PIGB: variants seen among roughly 807,000 people sequenced by gnomAD.
The protein encoded by PIGB is GPI alpha-1,2-mannosyltransferase 3.
Under a neutral mutation model 68.4 loss-of-function variants are expected in PIGB, and 58 were observed. The ratio of observed to expected loss-of-function variants is 0.85; its 90% CI spans 0.69 to 1.06. The LOEUF (loss-of-function observed/expected upper bound fraction) is 1.06, where lower values mean the gene tolerates loss of function less well. Among genes scored for constraint, PIGB ranks in the 50% least tolerant of loss-of-function variants. The pLI, the probability that PIGB is intolerant of heterozygous loss-of-function variation, is 0.00. For missense variants in PIGB, 634 were observed against 655.8 expected (o/e 0.97, Z 0.36); for synonymous variants, 219 against 220.5 (o/e 0.99, Z 0.06).
At chr15:55,340,101 G>C (rs1252055249) in intron 7 of PIGB, 1 of 152,056 alleles carries the variant, frequency 6.6e-6, no homozygotes, top group Non-Finnish European at 1.5e-5. Context: ...AATTAACAAG[G>C]AACACATTAA....
At chr15:55,344,593 C>A (rs1325195263) in intron 9 of PIGB, among the ~76,000 whole-genome samples, 1 of 152,178 alleles carries the variant, frequency 6.6e-6, no homozygotes. Context: ...CTTCTCTTGC[C>A]TAATTTGAAT....
chr15:55,345,155 T>C (rs934362304), intron 9 of PIGB, among the ~76,000 whole-genome samples: 1 of 152,072 alleles, frequency 6.6e-6, no homozygotes, highest in Non-Finnish European at 1.5e-5. Flanking sequence ...CCTCCCAAAG[T>C]GCTGGGATTA....
At chr15:55,320,915 C>T (rs2055149423) in intron 2 of PIGB, among the ~76,000 whole-genome samples, 2 of 152,080 alleles carry the variant, frequency 1.3e-5, no homozygotes, top group African/African-American at 4.8e-5. Context: ...TGTTAATATA[C>T]TTGACACAGC....
intron 10 of PIGB, among the ~76,000 whole-genome samples, chr15:55,352,725 C>G (rs539976646): frequency 6.6e-6 from 1 of 152,202 alleles, no homozygotes; most frequent in South Asian, 2.1e-4. Context: ...CCATTGCACT[C>G]CAACCTGGGC....
At chr15:55,337,861 A>C (rs1486903977) in intron 6 of PIGB, among the ~76,000 whole-genome samples, 2 of 152,194 alleles carry the variant, frequency 1.3e-5, no homozygotes, top group East Asian at 1.9e-4. Context: ...TACAGCACGC[A>C]AAAAAACTTG....
chr15:55,327,448 G>A, intron 3 of PIGB, 83 bp from the exon 4 acceptor site: 1 of 850,692 alleles, frequency 1.2e-6, no homozygotes, highest in Admixed American at 2.8e-5. Context: ...TAGATAGTTG[G>A]ATCAGCTTGT....
chr15:55,321,639 CTTCT>C (rs1566946182), intron 3 of PIGB, among the ~76,000 whole-genome samples: 3 of 132,990 alleles, frequency 2.3e-5, no homozygotes, highest in Non-Finnish European at 3.2e-5. Context: ...TAGAAGTATA[CTTCT>C]TTCTTTTTTT....
chr15:55,350,633 T>C (rs2055900590), intron 9 of PIGB, 66 bp from the exon 10 acceptor site: 1 of 945,090 alleles, frequency 1.1e-6, no homozygotes, highest in Non-Finnish European at 1.7e-6. Flanking sequence ...AAATTACAGA[T>C]GTATTTGCAG....
chr15:55,339,053 A>G (rs2055602793), intron 6 of PIGB, among the ~76,000 whole-genome samples: 1 of 152,206 alleles, frequency 6.6e-6, no homozygotes, highest in South Asian at 2.1e-4. Context: ...CTTTTTATTA[A>G]TATATTTTTT....
At chr15:55,347,469 G>A (rs959238713) in intron 9 of PIGB, among the ~76,000 whole-genome samples, 1 of 152,128 alleles carries the variant, frequency 6.6e-6, no homozygotes, top group Non-Finnish European at 1.5e-5. Context: ...TTTAAATAAG[G>A]TTTTATCCCC....
chr15:55,345,974 A>T (rs1261954086), intron 9 of PIGB, among the ~76,000 whole-genome samples: 1 of 151,740 alleles, frequency 6.6e-6, no homozygotes, highest in Non-Finnish European at 1.5e-5. Context: ...TAATTGGTAA[A>T]ATGTGGTAGG....
At chr15:55,349,940 T>C (rs1022772559) in intron 9 of PIGB, 3 of 152,230 alleles carry the variant, frequency 2.0e-5, no homozygotes, top group Non-Finnish European at 4.4e-5. Context: ...TGGCTGTTGC[T>C]GAAGAAAAGG....
chr15:55,339,326 A>C lies in PIGB; in HGVS notation c.846+8A>C. 1 of 1,512,124 alleles carries C rather than the reference A, an allele frequency of 6.6e-7. No individual in the cohort carries two copies. Among genetic ancestry groups the C allele is most frequent in the African/African-American group, 1.4e-5 (1 of 72,486 alleles). 93.7% of individuals were successfully genotyped at this position (1,512,124 alleles called of 1,614,324 possible). A position where few individuals can be genotyped will look rare whatever the true frequency, so the allele number is the denominator to read the frequency against. On this transcript the variant is annotated splice_region_variant and intron_variant, in intron 7 of 11. Transcript: ENST00000164305. ...CGTATTTTTTTTGGCCAAGTAAGTA[A>C]AAGTATATTAAGCTAACAGCTATTT...
At chr15:55,330,006 TAATACTC>T (rs2055378250) in intron 5 of PIGB, among the ~76,000 whole-genome samples, 152 bp downstream of exon 5, 1 of 152,164 alleles carries the variant, frequency 6.6e-6, no homozygotes, top group African/African-American at 2.4e-5. Context: ...AGAAAACAGA[TAATACTC>T]AAACAGGATA....
chr15:55,323,185 T>A (rs1399849003), intron 3 of PIGB, among the ~76,000 whole-genome samples: 3 of 152,216 alleles, frequency 2.0e-5, no homozygotes, highest in African/African-American at 7.2e-5. Context: ...ATTATATACA[T>A]AATTTTGAAG....
At chr15:55,333,819 C>G in intron 5 of PIGB, 48 bp from the exon 6 acceptor site, 1 of 1,393,392 alleles carries the variant, frequency 7.2e-7, no homozygotes, top group Non-Finnish European at 9.7e-7. Context: ...TGATAGATAA[C>G]TTCAAGTTAA....
At chr15:55,337,178 C>T (rs2055556551) in intron 6 of PIGB, among the ~76,000 whole-genome samples, 1 of 152,198 alleles carries the variant, frequency 6.6e-6, no homozygotes, top group Non-Finnish European at 1.5e-5. Flanking sequence ...CCATGAAATA[C>T]TACTATACTA....
intron 10 of PIGB, 44 bp from the exon 11 acceptor site, chr15:55,354,754 T>G (rs762265335): frequency 5.4e-6 from 8 of 1,472,378 alleles, no homozygotes; most frequent in Non-Finnish European, 7.4e-6. Context: ...ATGAAAACTT[T>G]CATGTTTTAC....
At chr15:55,332,853 A>G (rs1277268238) in intron 5 of PIGB, among the ~76,000 whole-genome samples, 3 of 152,216 alleles carry the variant, frequency 2.0e-5, no homozygotes. Context: ...AGTTTAGAGA[A>G]GTCCTGTTAA....
Sources: gnomAD v4.1 joint callset for allele counts (sites outside exome capture counted in the v4.1 genomes callset) on GRCh38, gnomAD v4.1.1 for gene constraint, MANE v1.5 for transcripts, NCBI Gene and HGNC (gene_info 2026-07-23, HGNC 2026-07-21) for gene names.